Variants in NEBL observed in about 807,000 individuals in gnomAD.
The protein encoded by NEBL is nebulette, also known as LIM and SH3 protein 2.
Under a neutral mutation model 140.2 loss-of-function variants are expected in NEBL, and 122 were observed. That is an observed-to-expected ratio of 0.87 (90% CI 0.75 to 1.01). The LOEUF (loss-of-function observed/expected upper bound fraction) is 1.01, where lower values mean the gene tolerates loss of function less well. Ranked by LOEUF, NEBL falls within the 50% of genes least tolerant of loss-of-function variation. The probability of loss-of-function intolerance (pLI) is 0.00; values close to 1 mark genes in which losing one functional copy is unlikely to be tolerated. For synonymous variants in NEBL, 436 were observed against 398.9 expected, an observed-to-expected ratio of 1.09 and a Z score of -1.11; for missense variants, 1,365 against 1,231.3, an observed-to-expected ratio of 1.11 and a Z score of -1.62.
intron 13 of NEBL, among the ~76,000 whole-genome samples, 198 bp downstream of exon 13, chr10:20,840,541 A>C (rs996035951): frequency 6.6e-6 from 1 of 152,156 alleles, no homozygotes; most frequent in Non-Finnish European, 1.5e-5. Context: ...AAAGTGGGGA[A>C]ACGGCCATTT....
chr10:21,019,785 C>T lies in NEBL; in HGVS notation c.249+332G>A, dbSNP rs373553375. Among the ~76,000 whole-genome samples the T allele has an allele frequency of 5.9e-5, 9 of 152,364 alleles. No homozygotes were observed. In the South Asian group the frequency reaches 8.3e-4, roughly 14 times the overall value. ...CAAGTTAACACCTTGTTTTTCCCCA[C>T]ATATGCGGTGTGGAAAAGCTATTTG... On this transcript the variant is annotated intron_variant, in intron 3 of 6. Coordinates refer to the NEBL transcript ENST00000417816.
intron 4 of NEBL, among the ~76,000 whole-genome samples, chr10:20,936,896 C>T (rs1449765842): frequency 6.6e-6 from 1 of 152,214 alleles, no homozygotes; most frequent in Non-Finnish European, 1.5e-5. Flanking sequence ...ATATCACATA[C>T]TCTTAAAAAG....
chr10:21,131,280 G>T (rs1839093573), intron 2 of NEBL, among the ~76,000 whole-genome samples: 1 of 152,204 alleles, frequency 6.6e-6, no homozygotes, highest in Admixed American at 6.5e-5. Context: ...ACAAGGCCTA[G>T]ATTAGTTCAC....
chr10:20,937,914 G>A (rs1260205398), intron 4 of NEBL, among the ~76,000 whole-genome samples: 1 of 152,202 alleles, frequency 6.6e-6, no homozygotes, highest in Non-Finnish European at 1.5e-5. Context: ...CATTGCCCAG[G>A]CTTGAGTAGG....
chr10:21,227,686 C>CTTCTTCT (rs1554833879), intron 3 of NEBL, among the ~76,000 whole-genome samples: 1 of 87,656 alleles, frequency 1.1e-5, no homozygotes, highest in African/African-American at 5.9e-5. Flanking sequence ...TCTTCTTCTT[C>CTTCTTCT]TTCTTCTTCT....
intron 2 of NEBL, among the ~76,000 whole-genome samples, chr10:21,119,093 T>G (rs1463473518): frequency 6.6e-6 from 1 of 152,214 alleles, no homozygotes; most frequent in Non-Finnish European, 1.5e-5. Flanking sequence ...TAGTTAATTC[T>G]GGATGATCTA....
At chr10:21,204,170 G>A (rs193280069) in intron 3 of NEBL, among the ~76,000 whole-genome samples, 3 of 152,274 alleles carry the variant, frequency 2.0e-5, no homozygotes, top group East Asian at 3.9e-4. Context: ...TCCTACTGGG[G>A]TCCTCTGGGA....
chr10:20,849,527 C>T (rs1353282465), intron 11 of NEBL, among the ~76,000 whole-genome samples: 1 of 152,082 alleles, frequency 6.6e-6, no homozygotes, highest in African/African-American at 2.4e-5. Context: ...GGTTTTGTTA[C>T]CATGGGGTTG....
At chr10:20,973,421 C>A (rs1564467372) in intron 3 of NEBL, among the ~76,000 whole-genome samples, 1 of 151,888 alleles carries the variant, frequency 6.6e-6, no homozygotes, top group East Asian at 1.9e-4. Flanking sequence ...CTAATTTTTT[C>A]TTCAATTTTG....
Position 20,934,517 on chromosome 10 carries a change from A to G in NEBL, c.357+27155T>C, listed in dbSNP as rs560172415. Among the ~76,000 whole-genome samples, 5 of 152,286 alleles carry G rather than the reference A, an allele frequency of 3.3e-5. No individual in the cohort carries two copies. The South Asian group carries it at 1.0e-3, about 32-fold the overall frequency. ...TGGAATATGGATGGACGTGACGTGCATGACTTCCAGACTGAACCTGAAACC... is the reference window on the plus strand; with the variant it reads ...TGGAATATGGATGGACGTGACGTGCGTGACTTCCAGACTGAACCTGAAACC... On this transcript the variant is annotated intron_variant, in intron 4 of 6. Coordinates refer to the NEBL transcript ENST00000417816.
chr10:20,954,527 C>T (rs769291753), intron 4 of NEBL, among the ~76,000 whole-genome samples: 1 of 152,272 alleles, frequency 6.6e-6, no homozygotes, highest in South Asian at 2.1e-4. Flanking sequence ...GGTCCTTTGT[C>T]CCACGGCAAT....
intron 24 of NEBL, among the ~76,000 whole-genome samples, chr10:20,812,391 A>G (rs891364610): frequency 6.6e-6 from 1 of 151,886 alleles, no homozygotes; most frequent in Non-Finnish European, 1.5e-5. Context: ...TTACATACGT[A>G]TACATGTGCC....
Position 20,809,669 on chromosome 10 carries a change from G to C in NEBL, c.2611+137C>G, listed in dbSNP as rs1320892021. 8.7e-6 allele frequency: 6 copies of C among 691,126 alleles called. No homozygotes were observed. The Admixed American group carries it at 1.5e-4, about 17-fold the overall frequency. The allele number at this position is 691,126 out of a possible 1,614,324, so 42.8% of individuals were successfully genotyped here. A position where few individuals can be genotyped will look rare whatever the true frequency, so the allele number is the denominator to read the frequency against. ...AAATGACTAATTGTATTTAAAAGTA[G>C]CATAGCATTTTTTTGGTTTGCCAAA... is the stretch of plus-strand genomic sequence containing the variant. On this transcript the variant is annotated intron_variant, in intron 25 of 27. Transcript: ENST00000377122.
In NEBL at chr10:21,288,818, G is replaced by GTATATATATATATATATATA. The variant is rs757155594; in HGVS notation, n.182+4011_182+4012insTATATATATATATATATATA. On this transcript the variant is annotated intron_variant and non_coding_transcript_variant, in intron 1 of 8. Transcript: ENST00000675702. ...CATCTGACAATATATACGTGTGTGTGTGTATATATATATATATATATATAT... is the reference window on the plus strand; with the variant it reads ...CATCTGACAATATATACGTGTGTGTGTATATATATATATATATATATGTATATATATATATATATATATAT... Among the ~76,000 whole-genome samples the GTATATATATATATATATATA allele has an allele frequency of 9.5e-3, 308 of 32,414 alleles. 5 individuals are homozygous for GTATATATATATATATATATA. The highest frequency in any genetic ancestry group is 0.012 in the Non-Finnish European group (220 of 18,512). 21.3% of individuals were successfully genotyped at this position (32,414 alleles called of 152,430 possible). A position where few individuals can be genotyped will look rare whatever the true frequency, so the allele number is the denominator to read the frequency against.
At chr10:21,253,337 G>A (rs1166664290) in intron 1 of NEBL, among the ~76,000 whole-genome samples, 1 of 152,070 alleles carries the variant, frequency 6.6e-6, no homozygotes, top group Non-Finnish European at 1.5e-5. Flanking sequence ...AGAAACAGGG[G>A]CCTGAGTCAC....
At chr10:20,815,799 T>C in intron 21 of NEBL, 82 bp from the exon 22 acceptor site, 1 of 1,020,608 alleles carries the variant, frequency 9.8e-7, no homozygotes, top group South Asian at 1.3e-5. Context: ...GACAGGGTCT[T>C]GCTCTGTCAC....
At chr10:20,791,545 G>A (rs755096613) in intron 26 of NEBL, among the ~76,000 whole-genome samples, 4 of 151,644 alleles carry the variant, frequency 2.6e-5, no homozygotes, top group Non-Finnish European at 4.4e-5. Flanking sequence ...CTGGACATAC[G>A]CCACCATGCC....
chr10:20,888,667 C>CAGG (rs1846751600), intron 3 of NEBL, among the ~76,000 whole-genome samples: 3 of 152,120 alleles, frequency 2.0e-5, no homozygotes, highest in Non-Finnish European at 4.4e-5. Context: ...TGTTTATGTG[C>CAGG]CTACCCACCT....
At chr10:21,027,059 G>A (rs146717111) in intron 2 of NEBL, among the ~76,000 whole-genome samples, 24 of 152,250 alleles carry the variant, frequency 1.6e-4, no homozygotes, top group Admixed American at 2.6e-4. Context: ...TGGAACAAGC[G>A]TCTTGCTTCC....
Sources: gnomAD v4.1 joint callset for allele counts (sites outside exome capture counted in the v4.1 genomes callset) on GRCh38, gnomAD v4.1.1 for gene constraint, MANE v1.5 for transcripts, NCBI Gene and HGNC (gene_info 2026-07-23, HGNC 2026-07-21) for gene names.